The following FSTL5 variants were observed in gnomAD, a reference collection of about 807,000 sequenced individuals.
The protein encoded by FSTL5 is follistatin like 5.
FSTL5 carries 62 observed loss-of-function variants against 89.1 expected under a neutral mutation model. The observed-to-expected ratio is 0.70, with a 90% CI of 0.57 to 0.86. The LOEUF is 0.86. FSTL5 is among the 40% of genes least tolerant of loss of function. The probability of loss-of-function intolerance (pLI) is 0.00; values close to 1 mark genes in which losing one functional copy is unlikely to be tolerated. For synonymous variants in FSTL5, 383 were observed against 346.2 expected, an observed-to-expected ratio of 1.11 and a Z score of -1.18; for missense variants, 1,057 against 1,001.6, an observed-to-expected ratio of 1.06 and a Z score of -0.75.
At chr4:161,616,682 A>C (rs943399375) in intron 7 of FSTL5, among the ~76,000 whole-genome samples, 2 of 151,888 alleles carry the variant, frequency 1.3e-5, no homozygotes, top group African/African-American at 4.8e-5. Context: ...AATAACACAG[A>C]TTGTGGCCTA....
At chr4:161,565,423 G>A (rs1206998361) in intron 8 of FSTL5, among the ~76,000 whole-genome samples, 1 of 151,570 alleles carries the variant, frequency 6.6e-6, no homozygotes, top group East Asian at 1.9e-4. Flanking sequence ...ATATGTTTTT[G>A]AGGGAAAAAA....
chr4:162,077,423 T>C (rs1729896786), intron 2 of FSTL5, among the ~76,000 whole-genome samples: 1 of 151,876 alleles, frequency 6.6e-6, no homozygotes, highest in Non-Finnish European at 1.5e-5. Flanking sequence ...AATCAAACTA[T>C]TTCTGTCTTG....
intron 3 of FSTL5, among the ~76,000 whole-genome samples, chr4:161,993,847 ATGAT>A (rs918859336): frequency 1.3e-5 from 2 of 152,188 alleles, no homozygotes; most frequent in African/African-American, 2.4e-5. Flanking sequence ...TGTGGAATAT[ATGAT>A]TGACTAAAAA....
At chr4:162,023,099 C>T (rs900418038) in intron 3 of FSTL5, among the ~76,000 whole-genome samples, 7 of 152,042 alleles carry the variant, frequency 4.6e-5, no homozygotes, top group African/African-American at 1.7e-4. Context: ...TTAAAAGAGA[C>T]CTCTCATGGT....
intron 8 of FSTL5, among the ~76,000 whole-genome samples, chr4:161,586,703 A>G (rs1409115927): frequency 6.6e-6 from 1 of 152,108 alleles, no homozygotes; most frequent in East Asian, 1.9e-4. Flanking sequence ...AAATCCAAAT[A>G]TTTACCTGAG....
At chr4:161,502,912 AT>A (rs1242179524) in intron 11 of FSTL5, among the ~76,000 whole-genome samples, 1 of 151,794 alleles carries the variant, frequency 6.6e-6, no homozygotes, top group Non-Finnish European at 1.5e-5. Context: ...CATTAGCTTT[AT>A]GTGTAAAAAG....
intron 8 of FSTL5, among the ~76,000 whole-genome samples, chr4:161,546,318 A>G (rs1301004446): frequency 2.0e-5 from 3 of 149,240 alleles, no homozygotes; most frequent in African/African-American, 7.3e-5. Flanking sequence ...ACACATATAT[A>G]AAACTGAAGA....
intron 7 of FSTL5, among the ~76,000 whole-genome samples, chr4:161,640,784 A>T (rs902778630): frequency 1.3e-5 from 2 of 152,212 alleles, no homozygotes; most frequent in African/African-American, 4.8e-5. Flanking sequence ...AATAAAAGAC[A>T]TGAATCTTAA....
At chr4:162,058,787 G>C (rs181447523) in intron 2 of FSTL5, among the ~76,000 whole-genome samples, 11 of 152,056 alleles carry the variant, frequency 7.2e-5, no homozygotes, top group Non-Finnish European at 1.5e-4. Context: ...AATGGAGTTA[G>C]ATTTCAAAAT....
chr4:161,665,835 AC>A (rs1736874240), intron 6 of FSTL5, among the ~76,000 whole-genome samples: 1 of 151,628 alleles, frequency 6.6e-6, no homozygotes, highest in East Asian at 1.9e-4. Flanking sequence ...CTAGATGAAC[AC>A]TCACAGATGC....
intron 2 of FSTL5, among the ~76,000 whole-genome samples, chr4:162,084,269 T>C (rs1730217910): frequency 6.6e-6 from 1 of 151,950 alleles, no homozygotes; most frequent in South Asian, 2.1e-4. Flanking sequence ...TGTTAAATAT[T>C]CAGAGTATCA....
At chr4:161,504,048 T>G (rs1248631198) in intron 11 of FSTL5, among the ~76,000 whole-genome samples, 1 of 151,968 alleles carries the variant, frequency 6.6e-6, no homozygotes, top group Non-Finnish European at 1.5e-5. Flanking sequence ...ATCCAGCATC[T>G]TCTATTAAGC....
At chr4:161,435,995 A>G (rs1020339992) in intron 15 of FSTL5, among the ~76,000 whole-genome samples, 1 of 152,094 alleles carries the variant, frequency 6.6e-6, no homozygotes, top group Non-Finnish European at 1.5e-5. Flanking sequence ...TTCTCTACCT[A>G]TAAGTTTCCT....
chr4:161,544,221 A>T (rs1237266584), intron 8 of FSTL5, among the ~76,000 whole-genome samples: 1 of 152,022 alleles, frequency 6.6e-6, no homozygotes, highest in African/African-American at 2.4e-5. Context: ...CTATTTAAAC[A>T]GATAAACAAA....
intron 7 of FSTL5, among the ~76,000 whole-genome samples, chr4:161,631,306 G>C (rs1476576073): frequency 6.6e-6 from 1 of 152,092 alleles, no homozygotes; most frequent in Non-Finnish European, 1.5e-5. Flanking sequence ...TTAGTCCCCA[G>C]TTCATAATCT....
intron 7 of FSTL5, among the ~76,000 whole-genome samples, chr4:161,638,766 C>T (rs1395165369): frequency 1.5e-5 from 2 of 133,190 alleles, no homozygotes; most frequent in African/African-American, 2.9e-5. Flanking sequence ...ACTGGCAAAA[C>T]GAATCCAGCA....
intron 6 of FSTL5, among the ~76,000 whole-genome samples, chr4:161,709,719 C>T (rs1187853460): frequency 6.6e-6 from 1 of 151,902 alleles, no homozygotes; most frequent in Non-Finnish European, 1.5e-5. Flanking sequence ...TCACTTGAGC[C>T]CAGGAGGTTG....
chr4:162,044,821 C>T (rs1738110070), intron 2 of FSTL5, among the ~76,000 whole-genome samples: 1 of 152,164 alleles, frequency 6.6e-6, no homozygotes, highest in Admixed American at 6.6e-5. Context: ...TGTGAACCAA[C>T]ATCTGACAGC....
intron 15 of FSTL5, among the ~76,000 whole-genome samples, chr4:161,434,819 T>C (rs1351540264): frequency 6.6e-6 from 1 of 151,972 alleles, no homozygotes; most frequent in Non-Finnish European, 1.5e-5. Flanking sequence ...AACAGGAGTA[T>C]AACAGGTGCT....
Sources: gnomAD v4.1 joint callset for allele counts (sites outside exome capture counted in the v4.1 genomes callset) on GRCh38, gnomAD v4.1.1 for gene constraint, MANE v1.5 for transcripts, NCBI Gene and HGNC (gene_info 2026-07-23, HGNC 2026-07-21) for gene names.